The following BIRC6 variants were observed in gnomAD, a reference collection of about 807,000 sequenced individuals.
BIRC6 encodes the protein dual E2 ubiquitin-conjugating enzyme/E3 ubiquitin-protein ligase BIRC6.
In BIRC6, 98 loss-of-function variants were observed where a neutral mutation model predicts 503.3. That is an observed-to-expected ratio of 0.19 (90% CI 0.17 to 0.23). The LOEUF (loss-of-function observed/expected upper bound fraction) is 0.23, where lower values mean the gene tolerates loss of function less well. Among genes scored for constraint, BIRC6 ranks in the 10% least tolerant of loss-of-function variants. The pLI is 1.00. For missense variants in BIRC6, 5,360 were observed against 5,806.0 expected, an observed-to-expected ratio of 0.92 and a Z score of 2.50; for synonymous variants, 2,240 against 2,078.7, an observed-to-expected ratio of 1.08 and a Z score of -2.11.
At position 32,470,247 on chromosome 2, in the gene BIRC6, G is replaced by C. The variant is rs775823452; in HGVS notation, c.6427G>C (p.Asp2143His). The C allele has an allele frequency of 3.8e-6, 6 of 1,572,680 alleles. No homozygotes were observed. The Admixed American group carries it at 1.1e-4, about 29-fold the overall frequency. The change falls in exon 31 of 74, where the codon GAT becomes CAT. Residue 2143 changes from aspartate to histidine, a missense_variant. Coordinates refer to ENST00000421745, the MANE Select transcript of BIRC6 (RefSeq NM_016252.4). Reference protein sequence around the residue: ...GVLESLLNLLDNLLSPLQPQL... With the variant: ...GVLESLLNLLHNLLSPLQPQL... The stretch of plus-strand genomic sequence containing the variant: ...ATTAGAAAGCTTACTTAATCTCTTG[G>C]ATAATTTATTGTCACCTCTTCAGCC...
intron 23 of BIRC6, among the ~76,000 whole-genome samples, chr2:32,455,486 G>A (rs2047160437): frequency 6.6e-6 from 1 of 152,044 alleles, no homozygotes; most frequent in Non-Finnish European, 1.5e-5. Context: ...TGCTGGGTGT[G>A]GTGGCAGGCA....
chr2:32,527,152 T>C (rs1368831775), intron 59 of BIRC6: 1 of 152,248 alleles, frequency 6.6e-6, no homozygotes, highest in Non-Finnish European at 1.5e-5. Context: ...CTTGTTGTTT[T>C]CAAGGAGTGA....
intron 65 of BIRC6, chr2:32,558,906 A>AT (rs2058967452): frequency 6.6e-6 from 1 of 152,070 alleles, no homozygotes; most frequent in East Asian, 1.9e-4. Flanking sequence ...AATAGGCTCT[A>AT]TTTTTTAGTT....
chr2:32,552,653 T>C (rs996350329), intron 65 of BIRC6, among the ~76,000 whole-genome samples: 75 of 152,302 alleles, frequency 4.9e-4, no homozygotes, highest in African/African-American at 1.7e-3. Context: ...TGATTATGTT[T>C]AGTGATTTAA....
chr2:32,372,878 T>C (rs938325439), intron 1 of BIRC6, among the ~76,000 whole-genome samples: 3 of 152,128 alleles, frequency 2.0e-5, no homozygotes, highest in Admixed American at 1.3e-4. Context: ...GTTTTCAATG[T>C]TTGATGATTA....
At chr2:32,602,945 A>G (rs1170452914) in intron 70 of BIRC6, 61 bp from the exon 71 acceptor site, 7 of 1,408,266 alleles carry the variant, frequency 5.0e-6, no homozygotes, top group Admixed American at 2.1e-5. Flanking sequence ...ACTTCTCGTT[A>G]TGACAGTTTG....
At chr2:32,359,387 G>T (rs1017239926) in intron 1 of BIRC6, among the ~76,000 whole-genome samples, 3 of 152,190 alleles carry the variant, frequency 2.0e-5, no homozygotes, top group African/African-American at 7.2e-5. Context: ...GGGGAAATTG[G>T]ACATATATTT....
intron 47 of BIRC6, 25 bp downstream of exon 47, chr2:32,501,913 C>T (rs1572654920): frequency 2.6e-6 from 4 of 1,565,658 alleles, no homozygotes; most frequent in Admixed American, 2.0e-5. Context: ...ACAACAGTTG[C>T]AGTGATTCAA....
At chr2:32,388,009 A>AATCTTATT (rs2038721585) in intron 3 of BIRC6, among the ~76,000 whole-genome samples, 1 of 152,224 alleles carries the variant, frequency 6.6e-6, no homozygotes, top group South Asian at 2.1e-4. Context: ...AAATTAAGCT[A>AATCTTATT]ATTAACATAT....
intron 11 of BIRC6, among the ~76,000 whole-genome samples, chr2:32,430,059 C>T (rs1480920364): frequency 6.6e-6 from 1 of 152,078 alleles, no homozygotes; most frequent in Non-Finnish European, 1.5e-5. Context: ...TATTTACAAA[C>T]TAAGCAGATT....
At chr2:32,474,543 C>T (rs2049508650) in intron 33 of BIRC6, among the ~76,000 whole-genome samples, 2 of 152,236 alleles carry the variant, frequency 1.3e-5, no homozygotes, top group African/African-American at 4.8e-5. Context: ...GTCAGTATTA[C>T]TTCTCTCATT....
intron 72 of BIRC6, among the ~76,000 whole-genome samples, chr2:32,608,014 AT>A (rs1298999608): frequency 1.4e-5 from 2 of 148,100 alleles, no homozygotes; most frequent in Non-Finnish European, 3.0e-5. Context: ...ATTTTAAAAT[AT>A]AGTTTGTTAG....
Position 32,499,931 on chromosome 2 carries a change from A to C in BIRC6, c.8853A>C (p.Thr2951=). The change falls in exon 46 of 74, where the codon ACA becomes ACC. Residue 2951 remains threonine (T), a synonymous_variant. Coordinates refer to ENST00000421745, the MANE Select transcript of BIRC6 (RefSeq NM_016252.4). The part of the protein sequence containing the change: ...SARVSVTTNT[T]DSVSDEEKVS... ...GAGTGTCTGTGACCACAAATACAACAGATAGTGTTTCAGATGAAGAAAAAG... is the reference window on the plus strand; with the variant it reads ...GAGTGTCTGTGACCACAAATACAACCGATAGTGTTTCAGATGAAGAAAAAG... 1 of 1,614,018 alleles carries C rather than the reference A, an allele frequency of 6.2e-7. No individual in the cohort carries two copies.
intron 66 of BIRC6, among the ~76,000 whole-genome samples, chr2:32,586,123 A>C (rs1315997088): frequency 6.6e-6 from 1 of 152,098 alleles, no homozygotes; most frequent in Non-Finnish European, 1.5e-5. Context: ...ACTACTACCC[A>C]CTACCCAAAT....
rs761889391 is a variant in BIRC6, at chr2:32,415,986, A to G, written c.2695A>G (p.Thr899Ala). 17 of 1,613,652 alleles carry G rather than the reference A, an allele frequency of 1.1e-5. No individual in the cohort carries two copies. The highest frequency in any genetic ancestry group is 1.4e-5 in the Non-Finnish European group (16 of 1,179,824). The stretch of plus-strand genomic sequence containing the variant: ...GAGAGAAAAAACGTCTGACATTTCT[A>G]CTCTTGGACACCTGGTAATAACCAC... ...FEREKTSDIS[T>A]LGHLVITTQG... The change falls in exon 10 of 74, where the codon ACT (threonine) becomes GCT (alanine). Residue 899 changes from threonine (T) to alanine (A), a missense_variant. By Grantham distance (58) the Thr-to-Ala change is moderately conservative. Around this residue, in one of 16 missense-constraint regions of BIRC6, gnomAD observed 700 missense variants for 739.3 expected, o/e 0.95. Transcript: ENST00000421745.
Position 32,498,938 on chromosome 2 carries a change from C to T in BIRC6, c.8469-609C>T, listed in dbSNP as rs1315133528. ...CCATGTTGGCCAGGCCGGTCTTGAA[C>T]TTCCTGGCGCCACAAGTGATCTGCC... On this transcript the variant is annotated intron_variant, in intron 45 of 73. Transcript: ENST00000421745. Among the ~76,000 whole-genome samples, 4 of 152,184 alleles carry T rather than the reference C, an allele frequency of 2.6e-5. No homozygotes were observed. The East Asian group carries it at 7.7e-4, about 29-fold the overall frequency.
chr2:32,493,872 A>G (rs1237991466), intron 45 of BIRC6, among the ~76,000 whole-genome samples: 4 of 151,852 alleles, frequency 2.6e-5, no homozygotes, highest in Non-Finnish European at 5.9e-5. Flanking sequence ...TTATACCTCT[A>G]CTCTCTTTAA....
chr2:32,515,535 G>A lies in BIRC6; in HGVS notation c.11114G>A (p.Gly3705Asp). ...CATATTATGAAAGATTGGCTTGGTG[G>A]TTCTGAAGTCAATCCACTATGGACA... ...NSHIMKDWLG[G>D]SEVNPLWTAL... The change falls in exon 55 of 74, where the codon GGT becomes GAT. Residue 3705 changes from glycine to aspartate, a missense_variant. Coordinates refer to ENST00000421745, the MANE Select transcript of BIRC6 (RefSeq NM_016252.4). 1 of 1,613,958 alleles carries A rather than the reference G, an allele frequency of 6.2e-7. No homozygotes were observed. The highest frequency in any genetic ancestry group is 1.1e-5 in the South Asian group (1 of 91,090).
intron 1 of BIRC6, among the ~76,000 whole-genome samples, chr2:32,376,883 TTTGA>T (rs1349441464): frequency 1.3e-5 from 2 of 152,208 alleles, no homozygotes; most frequent in Non-Finnish European, 2.9e-5. Context: ...CTTTTGGACC[TTTGA>T]TTGAAAATAT....
Sources: gnomAD v4.1 joint callset for allele counts (sites outside exome capture counted in the v4.1 genomes callset) on GRCh38, gnomAD v4.1.1 for gene constraint, gnomAD v4.1.1 regional missense constraint, MANE v1.5 for transcripts, NCBI Gene and HGNC (gene_info 2026-07-23, HGNC 2026-07-21) for gene names.